RUNDC1: variants seen among roughly 807,000 people sequenced by gnomAD.
RUNDC1 encodes the protein RUN domain-containing protein 1.
A neutral mutation model predicts 49.3 loss-of-function variants in RUNDC1; 31 were observed. The ratio of observed to expected loss-of-function variants is 0.63; its 90% CI spans 0.47 to 0.85. RUNDC1 has a LOEUF of 0.85. Ranked by LOEUF, RUNDC1 falls within the 40% of genes least tolerant of loss-of-function variation. RUNDC1 has a pLI of 0.00. For missense variants in RUNDC1, 715 were observed against 806.7 expected, an observed-to-expected ratio of 0.89 and a Z score of 1.38; for synonymous variants, 347 against 348.6, an observed-to-expected ratio of 1.00 and a Z score of 0.05.
chr17:42,985,306 C>T (rs1020074083), intron 1 of RUNDC1, among the ~76,000 whole-genome samples: 1 of 152,200 alleles, frequency 6.6e-6, no homozygotes, highest in Non-Finnish European at 1.5e-5. Flanking sequence ...TTAAGGAGTT[C>T]ATAGACTAGA....
chr17:42,990,825 GA>G, intron 4 of RUNDC1, 25 bp from the exon 5 acceptor site: 1 of 1,559,018 alleles, frequency 6.4e-7, no homozygotes, highest in Non-Finnish European at 8.7e-7. Flanking sequence ...GCCTCTCACT[GA>G]TGAGCCACTG....
intron 1 of RUNDC1, among the ~76,000 whole-genome samples, chr17:42,984,871 T>C (rs942927117): frequency 1.3e-5 from 2 of 150,140 alleles, no homozygotes; most frequent in Non-Finnish European, 2.9e-5. Flanking sequence ...ATTCTTTTCT[T>C]TTTCTTTTTC....
intron 1 of RUNDC1, among the ~76,000 whole-genome samples, chr17:42,984,791 T>G (rs1390775170): frequency 1.3e-5 from 2 of 151,998 alleles, no homozygotes; most frequent in Non-Finnish European, 1.5e-5. Flanking sequence ...AAAAGACTTT[T>G]CCACAGTTCT....
chr17:42,989,401 C>G lies in RUNDC1; in HGVS notation c.718C>G (p.Leu240Val), dbSNP rs1405391230. 2 of 1,613,830 alleles carry G rather than the reference C, an allele frequency of 1.2e-6. No individual in the cohort carries two copies. The highest frequency in any genetic ancestry group is 1.7e-6 in the Non-Finnish European group (2 of 1,179,890). ...DMNLNEDISS[L>V]STEELRQRVD... is the part of the protein sequence containing the mutation. ...GAATCTGAATGAGGACATCAGTTCC[C>G]TGTCCACTGAAGAGCTTCGTCAGCG... is the stretch of plus-strand genomic sequence containing the variant. Residue 240 changes from leucine (L) to valine (V), a missense_variant, in exon 3 of 5, where the codon CTG becomes GTG. By Grantham distance (32) the Leu-to-Val change is conservative. Transcript: ENST00000361677.
intron 1 of RUNDC1, among the ~76,000 whole-genome samples, chr17:42,986,394 G>A (rs536771210): frequency 6.6e-6 from 1 of 152,170 alleles, no homozygotes; most frequent in African/African-American, 2.4e-5. Flanking sequence ...TGCAGTTACA[G>A]GCGTGAGACA....
Position 42,992,729 on chromosome 17 carries a change from T to A in RUNDC1, c.*1013T>A, listed in dbSNP as rs2050261488. 1 of 152,238 alleles carries A rather than the reference T, an allele frequency of 6.6e-6. No homozygotes were observed. The allele number at this position is 152,238 out of a possible 1,614,324, so 9.4% of individuals were successfully genotyped here. ...CTGACCCCAAGGTCAGAGGAGACTA[T>A]ATATTCCATGGCTGCCTCTAAGACT... On this transcript the variant is annotated 3_prime_UTR_variant, in exon 5 of 5. Transcript: ENST00000361677.
intron 1 of RUNDC1, among the ~76,000 whole-genome samples, chr17:42,985,178 C>T (rs577933601): frequency 5.3e-5 from 8 of 152,272 alleles, no homozygotes; most frequent in African/African-American, 1.7e-4. Context: ...TGAGCCACTG[C>T]GTTCGGCCAT....
At chr17:42,988,537 G>A (rs747764856) in intron 2 of RUNDC1, among the ~76,000 whole-genome samples, 5 of 152,120 alleles carry the variant, frequency 3.3e-5, no homozygotes, top group Non-Finnish European at 5.9e-5. Flanking sequence ...ACAGATGTGA[G>A]CCACCGCACC....
Position 42,980,936 on chromosome 17 carries a change from G to GCGCCTTCTGCGGGAGCTCGAAGACTT in RUNDC1, c.368_393dup (p.Arg132CysfsTer16). 1 of 1,538,100 alleles carries GCGCCTTCTGCGGGAGCTCGAAGACTT rather than the reference G, an allele frequency of 6.5e-7. No individual in the cohort carries two copies. The highest frequency in any genetic ancestry group is 8.7e-7 in the Non-Finnish European group (1 of 1,148,654). ...TGCGCGGGGCGCCGGCGGAGCAGCAGCGCCTTCTGCGGGAGCTCGAAGACT... is the reference window on the plus strand; with the variant it reads ...TGCGCGGGGCGCCGGCGGAGCAGCAGCGCCTTCTGCGGGAGCTCGAAGACTTCGCCTTCTGCGGGAGCTCGAAGACT... On this transcript the variant is annotated frameshift_variant, in exon 1 of 5. Coordinates refer to ENST00000361677, the MANE Select transcript of RUNDC1 (RefSeq NM_173079.5). LOFTEE classifies it high-confidence loss of function.
In RUNDC1 at chr17:42,991,100, C is replaced by T. The variant is rs1164483300; in HGVS notation, c.1226C>T (p.Ala409Val). The change falls in exon 5 of 5, where the codon GCC (alanine) becomes GTC (valine). Residue 409 changes from alanine to valine, a missense_variant. Transcript: ENST00000361677. The stretch of plus-strand genomic sequence containing the variant: ...CCACATGACCATGTCATCACCTCTG[C>T]CAACCTCCAGGACCTCTCTCTGGGA... ...QQPHDHVITS[A>V]NLQDLSLGGK... 5 of 1,614,196 alleles carry T rather than the reference C, an allele frequency of 3.1e-6. No homozygotes were observed. The Admixed American group carries it at 5.0e-5, about 16-fold the overall frequency.
Position 42,994,387 on chromosome 17 carries a change from G to C in RUNDC1, c.*2671G>C, listed in dbSNP as rs2151962939. Among the ~76,000 whole-genome samples the C allele has an allele frequency of 6.6e-6, 1 of 152,314 alleles. No individual in the cohort carries two copies. Among genetic ancestry groups the C allele is most frequent in the East Asian group, 1.9e-4 (1 of 5,178 alleles). ...ACAGTATTATCCCCACTTTACAGCT[G>C]AGGAAACTGAACTGCAGAGAGGTTA... is the stretch of plus-strand genomic sequence containing the variant. On this transcript the variant is annotated 3_prime_UTR_variant, in exon 5 of 5. Transcript: ENST00000361677.
intron 3 of RUNDC1, 112 bp downstream of exon 3, chr17:42,989,651 TG>T (rs1485009337): frequency 1.0e-6 from 1 of 968,328 alleles, no homozygotes. Flanking sequence ...TTTTGGGCGG[TG>T]GGGACAGTGT....
At chr17:42,987,496 C>G in intron 2 of RUNDC1, 82 bp downstream of exon 2, 2 of 1,361,402 alleles carry the variant, frequency 1.5e-6, no homozygotes, top group South Asian at 2.5e-5. Flanking sequence ...CCTCTCTCAG[C>G]TCAGTTCTCC....
chr17:42,980,811 A>C lies in RUNDC1; in HGVS notation c.235A>C (p.Thr79Pro). 7.2e-7 allele frequency: 1 copy of C among 1,380,026 alleles called. No homozygotes were observed. The highest frequency in any genetic ancestry group is 9.3e-7 in the Non-Finnish European group (1 of 1,078,730). The allele number at this position is 1,380,026 out of a possible 1,614,324, so 85.5% of individuals were successfully genotyped here. The change falls in exon 1 of 5, where the codon ACG becomes CCG. Residue 79 changes from threonine to proline, a missense_variant. By Grantham distance (38) the Thr-to-Pro change is conservative. Around this residue, in one of 5 missense-constraint regions of RUNDC1, gnomAD observed 153 missense variants for 139.4 expected, o/e 1.10. Coordinates refer to ENST00000361677, the MANE Select transcript of RUNDC1 (RefSeq NM_173079.5). ...CTCCCCGCCGGATTCGCCGGGCCGG[A>C]CGCTGCGGCGGCTGCGGGCAGAGCG... The part of the protein sequence containing the change: ...PGSPPDSPGR[T>P]LRRLRAERRR...
chr17:42,987,162 T>G, intron 1 of RUNDC1, 94 bp from the exon 2 acceptor site: 1 of 795,404 alleles, frequency 1.3e-6, no homozygotes, highest in Non-Finnish European at 2.1e-6. Flanking sequence ...AAACATCTTA[T>G]ATTTTATTGG....
rs940715375 is a variant in RUNDC1, at chr17:42,980,943, C to T, written c.367C>T (p.Leu123=). 2 of 1,540,016 alleles carry T rather than the reference C, an allele frequency of 1.3e-6. No individual in the cohort carries two copies. Among genetic ancestry groups the T allele is most frequent in the Non-Finnish European group, 1.7e-6 (2 of 1,149,522 alleles). The change falls in exon 1 of 5, where the codon CTG becomes TTG. Residue 123 remains leucine, a synonymous_variant. Coordinates refer to ENST00000361677, the MANE Select transcript of RUNDC1 (RefSeq NM_173079.5). ...GGCGCCGGCGGAGCAGCAGCGCCTT[C>T]TGCGGGAGCTCGAAGACTTCGCCTT... The part of the protein sequence containing the change: ...RGAPAEQQRL[L]RELEDFAFRG...
At position 42,990,833 on chromosome 17, in the gene RUNDC1, A is replaced by G; in HGVS notation, c.977-18A>G. 1 of 1,566,564 alleles carries G rather than the reference A, an allele frequency of 6.4e-7. No homozygotes were observed. The highest frequency in any genetic ancestry group is 8.7e-7 in the Non-Finnish European group (1 of 1,152,750). ...CATCATGGCCTCTCACTGATGAGCC[A>G]CTGTCTTTTCTAAGCAGCAAAGGCA... On this transcript the variant is annotated intron_variant, in intron 4 of 4. Coordinates refer to ENST00000361677, the MANE Select transcript of RUNDC1 (RefSeq NM_173079.5).
chr17:42,990,846 A>G lies in RUNDC1; in HGVS notation c.977-5A>G. On this transcript the variant is annotated splice_polypyrimidine_tract_variant and splice_region_variant and intron_variant, in intron 4 of 4. Coordinates refer to ENST00000361677, the MANE Select transcript of RUNDC1 (RefSeq NM_173079.5). ...CACTGATGAGCCACTGTCTTTTCTA[A>G]GCAGCAAAGGCAGAGGATGTGAAGA... 1 of 1,578,392 alleles carries G rather than the reference A, an allele frequency of 6.3e-7. No individual in the cohort carries two copies. The highest frequency in any genetic ancestry group is 8.6e-7 in the Non-Finnish European group (1 of 1,158,128).
chr17:42,990,761 G>A (rs2050227541), intron 4 of RUNDC1, 90 bp from the exon 5 acceptor site: 2 of 1,460,136 alleles, frequency 1.4e-6, no homozygotes, highest in Non-Finnish European at 9.2e-7. Context: ...CCCAGCATGT[G>A]GCTCAGACTG....
Sources: gnomAD v4.1 joint callset for allele counts (sites outside exome capture counted in the v4.1 genomes callset) on GRCh38, gnomAD v4.1.1 for gene constraint, gnomAD v4.1.1 regional missense constraint, MANE v1.5 for transcripts, NCBI Gene and HGNC (gene_info 2026-07-23, HGNC 2026-07-21) for gene names.